Variants in APBA1 observed in about 807,000 individuals in gnomAD.
The protein encoded by APBA1 is amyloid beta precursor protein binding family A member 1.
A neutral mutation model predicts 86.6 loss-of-function variants in APBA1; 55 were observed. That is an observed-to-expected ratio of 0.64 (90% CI 0.51 to 0.80). APBA1 has a LOEUF of 0.80. Among genes scored for constraint, APBA1 ranks in the 30% least tolerant of loss-of-function variants. The pLI is 0.00. For missense variants in APBA1, 1,090 were observed against 1,183.0 expected (o/e 0.92, Z 1.15); for synonymous variants, 511 against 493.9 (o/e 1.03, Z -0.46).
rs748743036 is a variant in APBA1 at position 69,517,186 on chromosome 9, C to G, written c.25G>C (p.Glu9Gln). The G allele has an allele frequency of 1.3e-6, 2 of 1,535,976 alleles. No individual in the cohort carries two copies. The highest frequency in any genetic ancestry group is 8.8e-7 in the Non-Finnish European group (1 of 1,141,384). The stretch of plus-strand genomic sequence containing the variant: ...GCCGCCTCGTCGGTCACCTCCACCT[C>G]CGCAGACCCCTCCAAGTGGTTCATG... Reference protein sequence around the residue: MNHLEGSAEVEVTDEAAGG... With the variant: MNHLEGSAQVEVTDEAAGG... The change falls in exon 2 of 13, where the codon GAG (glutamate) becomes CAG (glutamine). Residue 9 changes from glutamate (E) to glutamine (Q), a missense_variant. Coordinates refer to ENST00000265381, the MANE Select transcript of APBA1 (RefSeq NM_001163.4).
chr9:69,482,650 G>C (rs1588310680), intron 2 of APBA1, among the ~76,000 whole-genome samples: 3 of 151,502 alleles, frequency 2.0e-5, no homozygotes, highest in Admixed American at 2.0e-4. Context: ...TATAAATCAT[G>C]CTGCTATAAA....
At chr9:69,574,055 ATG>A (rs1016869151) in intron 1 of APBA1, among the ~76,000 whole-genome samples, 5 of 152,194 alleles carry the variant, frequency 3.3e-5, no homozygotes, top group Non-Finnish European at 7.3e-5. Flanking sequence ...ATGTTTGTAT[ATG>A]TGTGTGTACT....
Position 69,467,922 on chromosome 9 carries a change from A to T in APBA1, c.1383T>A (p.Phe461Leu). The change falls in exon 5 of 13, where the codon TTT (phenylalanine) becomes TTA (leucine). Residue 461 changes from phenylalanine to leucine, a missense_variant. Phe to Leu is a conservative substitution (Grantham distance 22). This residue lies in a region of APBA1 where 76 missense variants were observed against 122.2 expected (regional missense o/e 0.62). Coordinates refer to ENST00000265381, the MANE Select transcript of APBA1 (RefSeq NM_001163.4). The part of the protein sequence containing the change: ...DPEDLIDGII[F>L]AANYLGSTQL... ...GAGTGGAGCCAAGGTAATTGGCGGCAAAAATGATTCCATCGATCAAGTCTT... is the reference window on the plus strand; with the variant it reads ...GAGTGGAGCCAAGGTAATTGGCGGCTAAAATGATTCCATCGATCAAGTCTT... 2 of 1,614,162 alleles carry T rather than the reference A, an allele frequency of 1.2e-6. No individual in the cohort carries two copies. Among genetic ancestry groups the T allele is most frequent in the Non-Finnish European group, 1.7e-6 (2 of 1,180,030 alleles).
chr9:69,446,795 G>A (rs1471072677), intron 10 of APBA1, among the ~76,000 whole-genome samples: 1 of 152,162 alleles, frequency 6.6e-6, no homozygotes, highest in Non-Finnish European at 1.5e-5. Context: ...CCCCCTTGTG[G>A]GCTGTCCTGA....
At chr9:69,570,078 G>A (rs926500466) in intron 1 of APBA1, among the ~76,000 whole-genome samples, 2 of 152,196 alleles carry the variant, frequency 1.3e-5, no homozygotes, top group African/African-American at 2.4e-5. Flanking sequence ...TCTAGCAAAA[G>A]AGAGGTGGTG....
intron 1 of APBA1, among the ~76,000 whole-genome samples, chr9:69,529,264 G>C (rs1012986401): frequency 4.6e-5 from 7 of 152,020 alleles, no homozygotes. Flanking sequence ...ATTCAGGAAG[G>C]CTCACTTCCT....
At chr9:69,593,692 G>A (rs1019228447) in intron 1 of APBA1, among the ~76,000 whole-genome samples, 1 of 152,214 alleles carries the variant, frequency 6.6e-6, no homozygotes, top group Non-Finnish European at 1.5e-5. Context: ...CTGAAAGGAA[G>A]TTTCAAATGA....
At chr9:69,470,189 G>A (rs1163165732) in intron 4 of APBA1, among the ~76,000 whole-genome samples, 1 of 152,010 alleles carries the variant, frequency 6.6e-6, no homozygotes, top group African/African-American at 2.4e-5. Flanking sequence ...CACTGTCATC[G>A]CATCACACCC....
At chr9:69,547,533 C>T (rs1458313833) in intron 1 of APBA1, among the ~76,000 whole-genome samples, 1 of 152,190 alleles carries the variant, frequency 6.6e-6, no homozygotes, top group Non-Finnish European at 1.5e-5. Flanking sequence ...TTTGGCTGGA[C>T]ACCTTGCTAC....
chr9:69,604,698 G>A (rs113723283), intron 1 of APBA1, among the ~76,000 whole-genome samples: 923 of 80,314 alleles, frequency 0.011, no homozygotes, highest in African/African-American at 0.031. Context: ...ACACATGCAC[G>A]CACATGAGGG....
intron 2 of APBA1, among the ~76,000 whole-genome samples, chr9:69,510,305 T>C (rs201194668): frequency 3.4e-4 from 49 of 144,022 alleles, no homozygotes; most frequent in African/African-American, 1.2e-3. Context: ...AAATCATAAG[T>C]GAACTCCCAT....
In APBA1 at chr9:69,451,583, T is replaced by C. The variant is rs78487356; in HGVS notation, c.1968+539A>G. 6.9e-3 allele frequency among the ~76,000 whole-genome samples: 1,056 copies of C among 152,164 alleles called. 4 individuals are homozygous for C. Among genetic ancestry groups the C allele is most frequent in the African/African-American group, 0.024 (998 of 41,516 alleles). On this transcript the variant is annotated intron_variant, in intron 9 of 12. Transcript: ENST00000265381. ...GATCTCCAGGCTTCCAACCATTCCA[T>C]AGACCCCACCCTCGGCTTGCCCCTA...
intron 1 of APBA1, among the ~76,000 whole-genome samples, chr9:69,558,264 T>C (rs1836892629): frequency 6.6e-6 from 1 of 152,296 alleles, no homozygotes; most frequent in African/African-American, 2.4e-5. Flanking sequence ...CTCTTATAAA[T>C]AGCATGGAGG....
intron 11 of APBA1, among the ~76,000 whole-genome samples, chr9:69,439,273 G>A (rs1050251971): frequency 1.4e-5 from 2 of 138,934 alleles, no homozygotes; most frequent in Non-Finnish European, 1.5e-5. Context: ...TTCTCTTCTC[G>A]AGGAGTATCT....
chr9:69,631,633 A>T (rs1255830416), intron 1 of APBA1, among the ~76,000 whole-genome samples: 1 of 152,230 alleles, frequency 6.6e-6, no homozygotes, highest in African/African-American at 2.4e-5. Flanking sequence ...ACTATTCACA[A>T]TAGCAAAGAC....
chr9:69,573,138 G>A (rs1052501411), intron 1 of APBA1, among the ~76,000 whole-genome samples: 7 of 151,866 alleles, frequency 4.6e-5, no homozygotes, highest in Admixed American at 1.3e-4. Context: ...CCAGCCTCGC[G>A]ACAGAGCAAG....
Position 69,529,804 on chromosome 9 carries a change from GGACTAATATCCA to G in APBA1, c.-69-12537_-69-12526del, listed in dbSNP as rs1836395421. Among the ~76,000 whole-genome samples the G allele has an allele frequency of 2.6e-5, 4 of 152,066 alleles. No individual in the cohort carries two copies. In the South Asian group the frequency reaches 6.2e-4, roughly 24 times the overall value. On this transcript the variant is annotated intron_variant, in intron 1 of 12. Transcript: ENST00000265381. ...ATTTCCAAATTATGCCTCTGACAAAGGACTAATATCCAGAATCCACAAGGAACTCAAACAACT... is the reference window on the plus strand; with the variant it reads ...ATTTCCAAATTATGCCTCTGACAAAGGAATCCACAAGGAACTCAAACAACT...
chr9:69,664,926 A>T (rs1823817625), intron 1 of APBA1, among the ~76,000 whole-genome samples: 1 of 152,216 alleles, frequency 6.6e-6, no homozygotes, highest in African/African-American at 2.4e-5. Context: ...ATTATCTGTT[A>T]AAAATTCTTT....
intron 1 of APBA1, among the ~76,000 whole-genome samples, chr9:69,609,248 T>C (rs1267100635): frequency 2.0e-5 from 3 of 152,156 alleles, no homozygotes; most frequent in Middle Eastern, 3.4e-3. Flanking sequence ...ACCTGACAAA[T>C]AGAGCCAGGG....
Sources: gnomAD v4.1 joint callset for allele counts (sites outside exome capture counted in the v4.1 genomes callset) on GRCh38, gnomAD v4.1.1 for gene constraint, gnomAD v4.1.1 regional missense constraint, MANE v1.5 for transcripts, NCBI Gene and HGNC (gene_info 2026-07-23, HGNC 2026-07-21) for gene names.